Variants in LPAR3 observed in about 807,000 individuals in gnomAD.
LPAR3 encodes the protein LPA receptor 3.
LPAR3 carries 7 observed loss-of-function variants against 17.8 expected under a neutral mutation model. That is an observed-to-expected ratio of 0.39 (90% confidence interval 0.22 to 0.74). The LOEUF (loss-of-function observed/expected upper bound fraction) is 0.74. Among genes scored for constraint, LPAR3 ranks in the 30% least tolerant of loss-of-function variants. The probability of loss-of-function intolerance (pLI) is 0.40; values close to 1 mark genes in which losing one functional copy is unlikely to be tolerated. For synonymous variants in LPAR3, 179 were observed against 179.9 expected, an observed-to-expected ratio of 0.99 and a Z score of 0.04; for missense variants, 391 against 453.4, an observed-to-expected ratio of 0.86 and a Z score of 1.25.
intron 1 of LPAR3, among the ~76,000 whole-genome samples, chr1:84,876,929 G>A (rs564080604): frequency 6.6e-6 from 1 of 152,242 alleles, no homozygotes; most frequent in Non-Finnish European, 1.5e-5. Flanking sequence ...CAAAACCCTA[G>A]TAAATTTCTC....
chr1:84,858,144 G>A (rs1207734896), intron 2 of LPAR3, among the ~76,000 whole-genome samples: 2 of 151,890 alleles, frequency 1.3e-5, no homozygotes, highest in Non-Finnish European at 2.9e-5. Flanking sequence ...TAATACTATC[G>A]CTTAACCTTC....
At chr1:84,833,679 A>G (rs1659336707) in intron 2 of LPAR3, among the ~76,000 whole-genome samples, 1 of 152,212 alleles carries the variant, frequency 6.6e-6, no homozygotes, top group African/African-American at 2.4e-5. Flanking sequence ...AACCTTAGGC[A>G]AGGTGTATTT....
intron 1 of LPAR3, among the ~76,000 whole-genome samples, chr1:84,874,051 C>A (rs1393611011): frequency 2.0e-5 from 3 of 152,158 alleles, no homozygotes; most frequent in Non-Finnish European, 4.4e-5. Flanking sequence ...TGGTGCCCAG[C>A]CTCTTTAGAA....
chr1:84,814,110 G>A lies in LPAR3; in HGVS notation c.798C>T (p.Cys266=). 1 of 1,614,138 alleles carries A rather than the reference G, an allele frequency of 6.2e-7. No homozygotes were observed. Among genetic ancestry groups the A allele is most frequent in the Non-Finnish European group, 8.5e-7 (1 of 1,180,038 alleles). Residue 266 remains cysteine, a synonymous_variant, in exon 3 of 3, where the codon TGC becomes TGT. Transcript: ENST00000370611. ...TCACATGCTGCACGCCACACTGCCT[G>A]CAGTTCAGGCCGTCGAGGAGCAGAA... ...LVVLLLDGLN[C]RQCGVQHVKR...
At chr1:84,860,222 A>G (rs1659912991) in intron 2 of LPAR3, among the ~76,000 whole-genome samples, 1 of 151,982 alleles carries the variant, frequency 6.6e-6, no homozygotes, top group Non-Finnish European at 1.5e-5. Context: ...TACCACCACT[A>G]CCCTCAAGGA....
intron 2 of LPAR3, among the ~76,000 whole-genome samples, chr1:84,863,567 C>T (rs534471861): frequency 2.9e-4 from 44 of 152,292 alleles, no homozygotes; most frequent in African/African-American, 9.9e-4. Context: ...GCCTGCCCTA[C>T]GGCTCCATCC....
chr1:84,883,807 C>T (rs994849588), intron 1 of LPAR3, among the ~76,000 whole-genome samples: 1 of 151,580 alleles, frequency 6.6e-6, no homozygotes, highest in Non-Finnish European at 1.5e-5. Context: ...AAATGTAAGA[C>T]GTAGATTTGT....
chr1:84,885,883 TAA>T (rs1660450779), intron 1 of LPAR3, among the ~76,000 whole-genome samples: 1 of 152,142 alleles, frequency 6.6e-6, no homozygotes, highest in African/African-American at 2.4e-5. Context: ...TACAAACATA[TAA>T]AGGGGGAAGA....
chr1:84,866,753 T>C (rs1409120503), intron 1 of LPAR3, among the ~76,000 whole-genome samples: 2 of 152,206 alleles, frequency 1.3e-5, no homozygotes, highest in Admixed American at 6.5e-5. Context: ...CTGATCCTCC[T>C]TTTGCCATCT....
At chr1:84,845,591 A>G (rs1340141288) in intron 2 of LPAR3, among the ~76,000 whole-genome samples, 2 of 152,198 alleles carry the variant, frequency 1.3e-5, no homozygotes, top group Non-Finnish European at 2.9e-5. Flanking sequence ...AAAAAATTGT[A>G]TGTTTCTTAT....
chr1:84,865,777 G>A lies in LPAR3; in HGVS notation c.344C>T (p.Ala115Val), dbSNP rs761651921. 6.2e-7 allele frequency: 1 copy of A among 1,614,226 alleles called. No homozygotes were observed. The highest frequency in any genetic ancestry group is 1.1e-5 in the South Asian group (1 of 91,080). Residue 115 changes from alanine (A) to valine (V), a missense_variant, in exon 2 of 3, where the codon GCT becomes GTT. By Grantham distance (64) the Ala-to-Val change is moderately conservative. Coordinates refer to ENST00000370611, the MANE Select transcript of LPAR3 (RefSeq NM_012152.3). ...GATAACCAGCAAGTTGGTGAGGGAAGCAGTCAAGCTACTGTCCAGAAGCCC... is the reference window on the plus strand; with the variant it reads ...GATAACCAGCAAGTTGGTGAGGGAAACAGTCAAGCTACTGTCCAGAAGCCC... The part of the protein sequence containing the change: ...RQGLLDSSLT[A>V]SLTNLLVIAV...
intron 2 of LPAR3, among the ~76,000 whole-genome samples, chr1:84,816,476 A>G (rs1658934028): frequency 6.6e-6 from 1 of 152,174 alleles, no homozygotes; most frequent in South Asian, 2.1e-4. Context: ...AGGCTCTTCA[A>G]CTGCTGAACA....
chr1:84,828,124 CT>C (rs773963018), intron 2 of LPAR3, among the ~76,000 whole-genome samples: 2 of 151,960 alleles, frequency 1.3e-5, no homozygotes. Context: ...CTCTCTCTCT[CT>C]TTTTTTTCTA....
At chr1:84,872,697 G>T (rs2102768444) in intron 1 of LPAR3, among the ~76,000 whole-genome samples, 1 of 152,312 alleles carries the variant, frequency 6.6e-6, no homozygotes, top group East Asian at 1.9e-4. Context: ...CCGCTGTAAA[G>T]GAGGGGGAGC....
intron 2 of LPAR3, among the ~76,000 whole-genome samples, chr1:84,849,159 G>A (rs1227650476): frequency 5.9e-5 from 9 of 151,980 alleles, no homozygotes; most frequent in Non-Finnish European, 1.2e-4. Flanking sequence ...GGCGGATCAC[G>A]AGGTCAAGAG....
At position 84,813,654 on chromosome 1, in the gene LPAR3, C is replaced by T; in HGVS notation, c.*192G>A. On this transcript the variant is annotated 3_prime_UTR_variant, in exon 3 of 3. Coordinates refer to ENST00000370611, the MANE Select transcript of LPAR3 (RefSeq NM_012152.3). ...CGAACCTCTCCCGTTTCTGTGCTTT[C>T]TCTAAATGCAGCAGGTCCTCTCTTT... is the stretch of plus-strand genomic sequence containing the variant. The T allele has an allele frequency of 1.8e-6, 1 of 562,388 alleles. No individual in the cohort carries two copies. The highest frequency in any genetic ancestry group is 3.0e-5 in the Admixed American group (1 of 33,086). 34.8% of individuals were successfully genotyped at this position (562,388 alleles called of 1,614,324 possible).
At chr1:84,823,128 C>G (rs978902266) in intron 2 of LPAR3, among the ~76,000 whole-genome samples, 1 of 152,124 alleles carries the variant, frequency 6.6e-6, no homozygotes, top group Non-Finnish European at 1.5e-5. Flanking sequence ...GGGAGGCATT[C>G]TTCTTATTTG....
chr1:84,866,250 C>G, intron 1 of LPAR3, 112 bp from the exon 2 acceptor site: 1 of 768,816 alleles, frequency 1.3e-6, no homozygotes, highest in South Asian at 1.8e-5. Context: ...GAGTTGAAGA[C>G]CTGAAGTGTC....
chr1:84,817,374 CAGAGCCTAGGGTGTGGA>C (rs1405579681), intron 2 of LPAR3, among the ~76,000 whole-genome samples: 1 of 152,076 alleles, frequency 6.6e-6, no homozygotes, highest in African/African-American at 2.4e-5. Flanking sequence ...TCCAAGACTA[CAGAGCCTAGGGTGTGGA>C]GGTGCGTGGG....
Sources: allele counts gnomAD v4.1 joint callset (sites outside exome capture counted in the v4.1 genomes callset), GRCh38; gene constraint gnomAD v4.1.1; transcripts MANE v1.5; gene names NCBI Gene and HGNC (gene_info 2026-07-23, HGNC 2026-07-21).